The following ECPAS variants were observed in gnomAD, a reference collection of about 807,000 sequenced individuals.
The protein encoded by ECPAS is Ecm29 proteasome adaptor and scaffold, also known as proteasome adapter and scaffold protein ECM29.
A neutral mutation model predicts 255.1 loss-of-function variants in ECPAS; 70 were observed. That is an observed-to-expected ratio of 0.27 (90% CI 0.23 to 0.33). The LOEUF is 0.33. Ranked by LOEUF, ECPAS falls within the 10% of genes least tolerant of loss-of-function variation. The probability of loss-of-function intolerance (pLI) is 1.00; values close to 1 mark genes in which losing one functional copy is unlikely to be tolerated. For synonymous variants in ECPAS, 784 were observed against 775.0 expected, an observed-to-expected ratio of 1.01 and a Z score of -0.19; for missense variants, 1,817 against 2,206.4, an observed-to-expected ratio of 0.82 and a Z score of 3.54.
chr9:111,398,069 G>A lies in ECPAS; in HGVS notation c.2653-916C>T, dbSNP rs559014257. Reference sequence around the variant, plus strand: ...ATTTAGGAGGAAAAGGAGAAATAAGGGAATGAACAGACAGCATGTGAGGGC... The same window carrying A: ...ATTTAGGAGGAAAAGGAGAAATAAGAGAATGAACAGACAGCATGTGAGGGC... On this transcript the variant is annotated intron_variant, in intron 24 of 49. Transcript: ENST00000684092. 2.0e-5 allele frequency among the ~76,000 whole-genome samples: 3 copies of A among 152,252 alleles called. No homozygotes were observed. The South Asian group carries it at 6.2e-4, about 32-fold the overall frequency.
In ECPAS at chr9:111,468,762, TAAGAA is replaced by T. The variant is rs2098282633; in HGVS notation, c.22+4130_22+4134del. The stretch of plus-strand genomic sequence containing the variant: ...GGGAGCCCAGAAACTAAGAAAAGAA[TAAGAA>T]ACTAAAGTATAGGGAATTCACAAAA... On this transcript the variant is annotated intron_variant, in intron 2 of 49. Coordinates refer to ENST00000684092, the MANE Select transcript of ECPAS (RefSeq NM_001364929.1). 2.0e-5 allele frequency among the ~76,000 whole-genome samples: 3 copies of T among 150,038 alleles called. No homozygotes were observed. In the Admixed American group the frequency reaches 2.0e-4, roughly 10 times the overall value.
chr9:111,361,772 T>C lies in ECPAS; in HGVS notation c.*258A>G. 3.3e-6 allele frequency: 1 copy of C among 303,484 alleles called. No individual in the cohort carries two copies. Among genetic ancestry groups the C allele is most frequent in the Non-Finnish European group, 6.0e-6 (1 of 165,694 alleles). 18.8% of individuals were successfully genotyped at this position (303,484 alleles called of 1,614,324 possible). The stretch of plus-strand genomic sequence containing the variant: ...TAACAGCTTGAACTCTTTTAGTAAC[T>C]ATTTCTGCCAGTTTCCTTTACAACC... On this transcript the variant is annotated 3_prime_UTR_variant, in exon 50 of 50. Transcript: ENST00000684092.
intron 10 of ECPAS, among the ~76,000 whole-genome samples, chr9:111,426,491 T>A (rs1056892435): frequency 6.6e-6 from 1 of 152,062 alleles, no homozygotes; most frequent in African/African-American, 2.4e-5. Flanking sequence ...ATTGCCACTG[T>A]GCTAGGTACT....
chr9:111,391,636 C>A, intron 29 of ECPAS, 120 bp downstream of exon 29: 1 of 637,266 alleles, frequency 1.6e-6, no homozygotes, highest in South Asian at 2.2e-5. Context: ...CTTCTTCCAC[C>A]AATAGATAAC....
chr9:111,436,787 G>C (rs971837641), intron 7 of ECPAS, among the ~76,000 whole-genome samples, 153 bp downstream of exon 7: 1 of 152,160 alleles, frequency 6.6e-6, no homozygotes, highest in African/African-American at 2.4e-5. Context: ...TAAATAACTA[G>C]CATGAAAAGA....
chr9:111,427,976 C>G (rs1441641823), intron 10 of ECPAS, 66 bp downstream of exon 10: 1 of 1,472,056 alleles, frequency 6.8e-7, no homozygotes, highest in African/African-American at 1.4e-5. Context: ...TAACACAGTT[C>G]TTTCTCTAAT....
chr9:111,421,831 C>T (rs2098214429), intron 15 of ECPAS, 90 bp downstream of exon 15: 6 of 1,443,202 alleles, frequency 4.2e-6, no homozygotes, highest in Middle Eastern at 2.5e-4. Context: ...GCAAATACTC[C>T]TCTTATCAAA....
intron 12 of ECPAS, among the ~76,000 whole-genome samples, chr9:111,423,770 A>G (rs1307814618): frequency 6.6e-6 from 1 of 152,240 alleles, no homozygotes; most frequent in East Asian, 1.9e-4. Flanking sequence ...TAAGAGGGTC[A>G]TAATCACCAG....
intron 35 of ECPAS, 93 bp from the exon 36 acceptor site, chr9:111,378,823 A>T: frequency 8.2e-7 from 1 of 1,224,646 alleles, no homozygotes. Context: ...AGTTCACTGC[A>T]TTAAAGCATA....
At chr9:111,381,258 T>C (rs1277760629) in intron 35 of ECPAS, among the ~76,000 whole-genome samples, 1 of 152,148 alleles carries the variant, frequency 6.6e-6, no homozygotes, top group African/African-American at 2.4e-5. Flanking sequence ...TCCAATATTG[T>C]TGTGTCTCAG....
At position 111,423,169 on chromosome 9, in the gene ECPAS, A is replaced by G. The variant is rs1284625818; in HGVS notation, c.1265+30T>C. On this transcript the variant is annotated intron_variant, in intron 13 of 49. Coordinates refer to ENST00000684092, the MANE Select transcript of ECPAS (RefSeq NM_001364929.1). Reference sequence around the variant, plus strand: ...TAATTTTTCTCTGTTTACCAACACCATATCTCTCACTAAAAAAGAGTTTAC... The same window carrying G: ...TAATTTTTCTCTGTTTACCAACACCGTATCTCTCACTAAAAAAGAGTTTAC... 1.3e-5 allele frequency: 19 copies of G among 1,483,448 alleles called. No individual in the cohort carries two copies. The East Asian group carries it at 1.7e-4, about 13-fold the overall frequency. 91.9% of individuals were successfully genotyped at this position (1,483,448 alleles called of 1,614,324 possible).
chr9:111,473,040 T>A, intron 1 of ECPAS, 40 bp from the exon 2 acceptor site: 1 of 519,728 alleles, frequency 1.9e-6, no homozygotes, highest in Admixed American at 6.1e-5. Context: ...TTAACAGATG[T>A]ATATGCATAG....
chr9:111,405,824 A>G (rs1275630974), intron 24 of ECPAS, among the ~76,000 whole-genome samples: 1 of 149,820 alleles, frequency 6.7e-6, no homozygotes, highest in Non-Finnish European at 1.5e-5. Flanking sequence ...AAATACAGAG[A>G]AAAACCACAA....
intron 2 of ECPAS, among the ~76,000 whole-genome samples, chr9:111,455,181 T>C (rs1316958315): frequency 6.6e-6 from 1 of 152,204 alleles, no homozygotes; most frequent in Non-Finnish European, 1.5e-5. Flanking sequence ...CCAGGACTGC[T>C]ACCTGTAGAA....
intron 24 of ECPAS, among the ~76,000 whole-genome samples, chr9:111,399,967 T>C (rs925828582): frequency 6.6e-6 from 1 of 152,198 alleles, no homozygotes; most frequent in Admixed American, 6.5e-5. Flanking sequence ...GCCATGGGCT[T>C]TGGGTGTAAC....
chr9:111,410,140 A>G lies in ECPAS; in HGVS notation c.2451T>C (p.Asn817=). Reference sequence around the variant, plus strand: ...CCTCACTGGGGATTGGAAGTGGACCATTTCTGCCAATTTCACCCAGGGCTG... The same window carrying G: ...CCTCACTGGGGATTGGAAGTGGACCGTTTCTGCCAATTTCACCCAGGGCTG... ...ACTALGEIGR[N]GPLPIPSEGS... is the part of the protein sequence containing the mutation. The change falls in exon 23 of 50, where the codon AAT becomes AAC. Residue 817 remains asparagine (N), a synonymous_variant. Transcript: ENST00000684092. The G allele has an allele frequency of 1.9e-6, 3 of 1,612,206 alleles. No homozygotes were observed. The highest frequency in any genetic ancestry group is 2.5e-6 in the Non-Finnish European group (3 of 1,179,236).
Position 111,465,367 on chromosome 9 carries a change from C to T in ECPAS, c.22+7530G>A, listed in dbSNP as rs186304140. 4.0e-3 allele frequency among the ~76,000 whole-genome samples: 603 copies of T among 152,090 alleles called. 6 individuals are homozygous for T. Among genetic ancestry groups the T allele is most frequent in the Middle Eastern group, 0.02 (6 of 294 alleles). On this transcript the variant is annotated intron_variant, in intron 2 of 49. Transcript: ENST00000684092. ...CCAGGCTGGCCAACATGGTGAAACC[C>T]TGTCTCTACTTAAAATAAAAAAATT...
chr9:111,471,305 A>C (rs1461718140), intron 2 of ECPAS, among the ~76,000 whole-genome samples: 1 of 152,204 alleles, frequency 6.6e-6, no homozygotes, highest in East Asian at 1.9e-4. Flanking sequence ...CCCATCTCCC[A>C]ATTTTTCATT....
intron 43 of ECPAS, 67 bp from the exon 44 acceptor site, chr9:111,370,832 G>A: frequency 1.4e-6 from 2 of 1,410,294 alleles, no homozygotes; most frequent in South Asian, 1.2e-5. Flanking sequence ...TCTAAACCAT[G>A]ATTACAATTA....
Sources: allele counts gnomAD v4.1 joint callset (sites outside exome capture counted in the v4.1 genomes callset), GRCh38; gene constraint gnomAD v4.1.1; transcripts MANE v1.5; gene names NCBI Gene and HGNC (gene_info 2026-07-23, HGNC 2026-07-21).